BRD10: variants seen among roughly 807,000 people sequenced by gnomAD.
BRD10 encodes the protein uncharacterized bromodomain-containing protein 10.
At chr9:5,922,109 GTCTGTAC>G in the BRD10 span, 1 of 1,613,980 alleles carries the variant, frequency 6.2e-7, no homozygotes. Context: ...ATCTGGGTTG[GTCTGTAC>G]TTTTACAACT....
the BRD10 span, among the ~76,000 whole-genome samples, chr9:5,913,221 C>T: frequency 2.6e-5 from 4 of 152,154 alleles, no homozygotes; most frequent in African/African-American, 7.2e-5. Context: ...CTGGTGGAGA[C>T]CAGTCCTCTG....
At chr9:5,915,788 A>G in the BRD10 span, among the ~76,000 whole-genome samples, 5 of 152,274 alleles carry the variant, frequency 3.3e-5, no homozygotes, top group Admixed American at 2.6e-4. Context: ...CTACTCATCT[A>G]TATCGTTCCT....
At chr9:5,993,685 G>A in the BRD10 span, among the ~76,000 whole-genome samples, 2 of 152,172 alleles carry the variant, frequency 1.3e-5, no homozygotes, top group South Asian at 4.1e-4. Flanking sequence ...AAAGGAAGCT[G>A]TAGGAATAAA....
At chr9:5,998,338 T>TA in the BRD10 span, among the ~76,000 whole-genome samples, 1 of 152,148 alleles carries the variant, frequency 6.6e-6, no homozygotes, top group Non-Finnish European at 1.5e-5. Flanking sequence ...ACTGGATTGC[T>TA]AAAAAGTCTA....
the BRD10 span, among the ~76,000 whole-genome samples, chr9:5,886,124 G>C: frequency 6.6e-6 from 1 of 152,208 alleles, no homozygotes; most frequent in African/African-American, 2.4e-5. Flanking sequence ...GTGTGTGAGA[G>C]ATCAAAAGCT....
the BRD10 span, chr9:5,891,316 T>C: frequency 1.3e-5 from 2 of 152,228 alleles, no homozygotes; most frequent in Non-Finnish European, 2.9e-5. Flanking sequence ...TGGGATGTAT[T>C]AAAACAATTT....
At chr9:5,993,326 A>C in the BRD10 span, among the ~76,000 whole-genome samples, 26 of 151,552 alleles carry the variant, frequency 1.7e-4, no homozygotes, top group East Asian at 4.3e-3. Flanking sequence ...AAAAAAAAAA[A>C]AAAAAAAAAA....
chr9:5,999,901 T>C, the BRD10 span, among the ~76,000 whole-genome samples: 1 of 151,102 alleles, frequency 6.6e-6, no homozygotes, highest in Non-Finnish European at 1.5e-5. Context: ...AACCACATAC[T>C]ACCTTCTTGC....
chr9:5,917,864 G>T, the BRD10 span, among the ~76,000 whole-genome samples: 15 of 152,232 alleles, frequency 9.9e-5, no homozygotes, highest in Non-Finnish European at 1.5e-4. Context: ...AAAAAAGAGA[G>T]AGATTTAGTG....
At chr9:5,914,633 C>T in the BRD10 span, among the ~76,000 whole-genome samples, 3 of 151,832 alleles carry the variant, frequency 2.0e-5, no homozygotes, top group African/African-American at 7.3e-5. Context: ...CCGCATTAGC[C>T]AGGATGGTCT....
the BRD10 span, among the ~76,000 whole-genome samples, chr9:5,939,075 T>C: frequency 1.8e-4 from 28 of 152,220 alleles, no homozygotes; most frequent in African/African-American, 6.3e-4. Flanking sequence ...GAGGGAAAAT[T>C]CCATTATCCT....
chr9:5,991,813 C>G, the BRD10 span, among the ~76,000 whole-genome samples: 3 of 151,052 alleles, frequency 2.0e-5, no homozygotes, highest in Non-Finnish European at 4.4e-5. Flanking sequence ...ACCTAAAGTT[C>G]TTATGATCTC....
chr9:5,922,070 C>A, the BRD10 span: 28 of 1,613,880 alleles, frequency 1.7e-5, no homozygotes, highest in Non-Finnish European at 2.2e-5. Flanking sequence ...GAAAACTGAA[C>A]TTGAAGATAC....
the BRD10 span, among the ~76,000 whole-genome samples, chr9:5,964,144 G>A: frequency 1.5e-4 from 23 of 151,020 alleles, no homozygotes; most frequent in South Asian, 4.2e-4. Context: ...GAAAATTTTC[G>A]CAACCTACTC....
At chr9:5,902,699 G>A in the BRD10 span, among the ~76,000 whole-genome samples, 1 of 151,338 alleles carries the variant, frequency 6.6e-6, no homozygotes, top group Non-Finnish European at 1.5e-5. Context: ...TAGAGACAGA[G>A]TCTCACTATG....
At chr9:5,984,598 A>T in the BRD10 span, among the ~76,000 whole-genome samples, 2 of 152,222 alleles carry the variant, frequency 1.3e-5, no homozygotes, top group South Asian at 2.1e-4. Context: ...TGCATCTAAT[A>T]GCACAGTTTC....
At chr9:5,962,587 TG>T in the BRD10 span, among the ~76,000 whole-genome samples, 1 of 36,588 alleles carries the variant, frequency 2.7e-5, no homozygotes, top group Non-Finnish European at 6.4e-5. Flanking sequence ...ATACCAAAGC[TG>T]GGCAGAGACA....
At chr9:5,888,560 T>C in the BRD10 span, among the ~76,000 whole-genome samples, 3 of 152,212 alleles carry the variant, frequency 2.0e-5, no homozygotes, top group Non-Finnish European at 4.4e-5. Flanking sequence ...ATTTGCAACA[T>C]CGACAATGCA....
chr9:6,001,016 G>A, the BRD10 span, among the ~76,000 whole-genome samples: 2 of 151,928 alleles, frequency 1.3e-5, no homozygotes, highest in South Asian at 4.1e-4. Flanking sequence ...TTCTCAGCTG[G>A]GTATCTTCAA....
Sources: gnomAD v4.1 joint callset for allele counts (sites outside exome capture counted in the v4.1 genomes callset) on GRCh38, gnomAD v4.1.1 for gene constraint, MANE v1.5 for transcripts, NCBI Gene and HGNC (gene_info 2026-07-23, HGNC 2026-07-21) for gene names.